ATP9A: variants seen among roughly 807,000 people sequenced by gnomAD.
ATP9A encodes ATPase phospholipid transporting 9A.
Under a neutral mutation model 144.1 loss-of-function variants are expected in ATP9A, and 52 were observed. The observed-to-expected ratio is 0.36, with a 90% confidence interval of 0.29 to 0.45. The LOEUF is 0.45. ATP9A is among the 20% of genes least tolerant of loss of function. The probability of loss-of-function intolerance (pLI) is 1.00; values close to 1 mark genes in which losing one functional copy is unlikely to be tolerated. For missense variants in ATP9A, 947 were observed against 1,392.7 expected (o/e 0.68, Z 5.09); for synonymous variants, 582 against 557.4 (o/e 1.04, Z -0.62).
At chr20:51,691,098 C>A (rs1278406834) in intron 7 of ATP9A, among the ~76,000 whole-genome samples, 1 of 152,176 alleles carries the variant, frequency 6.6e-6, no homozygotes, top group Non-Finnish European at 1.5e-5. Context: ...ATGCTACACA[C>A]CTATGAATAC....
chr20:51,639,931 C>T (rs1490209852), intron 14 of ATP9A, among the ~76,000 whole-genome samples: 1 of 152,022 alleles, frequency 6.6e-6, no homozygotes, highest in African/African-American at 2.4e-5. Flanking sequence ...ACTAAAAATA[C>T]AAAAATTACC....
Position 51,670,042 on chromosome 20 carries a change from G to C in ATP9A, c.1248C>G (p.Asp416Glu). Residue 416 changes from aspartate (D) to glutamate (E), a missense_variant, in exon 13 of 28, where the codon GAC (aspartate) becomes GAG (glutamate). Transcript: ENST00000338821. ...TGTGGCTTTGTACTTCGTCCATTGA[G>C]TCGAGGCCGTAGGCTACTGTTCCGA... is the stretch of plus-strand genomic sequence containing the variant. ...LHLGTVAYGL[D>E]SMDEVQSHIF... 2 of 1,614,158 alleles carry C rather than the reference G, an allele frequency of 1.2e-6. No homozygotes were observed. The highest frequency in any genetic ancestry group is 1.7e-6 in the Non-Finnish European group (2 of 1,180,032).
intron 2 of ATP9A, among the ~76,000 whole-genome samples, chr20:51,728,755 G>A (rs2077726752): frequency 6.6e-6 from 1 of 151,766 alleles, no homozygotes; most frequent in South Asian, 2.1e-4. Flanking sequence ...AAGACAGTGA[G>A]ATCTGGTCTC....
At chr20:51,605,668 T>C (rs2077160341) in intron 26 of ATP9A, among the ~76,000 whole-genome samples, 1 of 151,334 alleles carries the variant, frequency 6.6e-6, no homozygotes, top group Non-Finnish European at 1.5e-5. Flanking sequence ...TAATCAGCAC[T>C]TTGGGAGGCT....
At position 51,599,217 on chromosome 20, in the gene ATP9A, A is replaced by G. The variant is rs1002531446; in HGVS notation, c.*1994T>C. On this transcript the variant is annotated 3_prime_UTR_variant, in exon 28 of 28. Transcript: ENST00000338821. ...GCCAGGTACAGGGTTTGCAAAGTCT[A>G]AACAGGACTATCTTAAGACTTCCCA... The G allele has an allele frequency of 1.3e-5, 2 of 152,244 alleles. No individual in the cohort carries two copies. Among genetic ancestry groups the G allele is most frequent in the Non-Finnish European group, 2.9e-5 (2 of 68,052 alleles). The allele number at this position is 152,244 out of a possible 1,614,324, so 9.4% of individuals were successfully genotyped here.
chr20:51,610,000 G>T, intron 24 of ATP9A, 101 bp downstream of exon 24: 1 of 1,037,140 alleles, frequency 9.6e-7, no homozygotes, highest in Non-Finnish European at 1.5e-6. Context: ...AATCCAATGT[G>T]GCTTGGGAAC....
chr20:51,649,768 G>T (rs1282313301), intron 14 of ATP9A, among the ~76,000 whole-genome samples: 2 of 152,018 alleles, frequency 1.3e-5, no homozygotes, highest in African/African-American at 4.8e-5. Context: ...TTCAAAATTA[G>T]CCGGGCGTGG....
intron 3 of ATP9A, among the ~76,000 whole-genome samples, chr20:51,714,880 G>C (rs1006524164): frequency 1.3e-5 from 2 of 152,196 alleles, no homozygotes; most frequent in African/African-American, 4.8e-5. Flanking sequence ...TCTGAGTTGG[G>C]AACCCCAACT....
At chr20:51,699,169 CTG>C (rs1412171464) in intron 4 of ATP9A, among the ~76,000 whole-genome samples, 1 of 151,934 alleles carries the variant, frequency 6.6e-6, no homozygotes, top group East Asian at 1.9e-4. Flanking sequence ...TGGTGAAATC[CTG>C]TCTCTACTAA....
At chr20:51,718,814 CAAAAAAAAAAA>C (rs71192550) in intron 3 of ATP9A, among the ~76,000 whole-genome samples, 16 of 57,692 alleles carry the variant, frequency 2.8e-4, no homozygotes, top group South Asian at 6.9e-4. Context: ...GACTCCATCT[CAAAAAAAAAAA>C]AAAAAAAAAA....
intron 1 of ATP9A, among the ~76,000 whole-genome samples, chr20:51,760,078 T>G (rs913515494): frequency 1.3e-5 from 2 of 152,140 alleles, no homozygotes; most frequent in Non-Finnish European, 2.9e-5. Flanking sequence ...TTTTTGTGCT[T>G]TTCCCTGATG....
chr20:51,659,008 AG>A (rs1351227454), intron 13 of ATP9A, among the ~76,000 whole-genome samples: 3 of 149,226 alleles, frequency 2.0e-5, no homozygotes, highest in Non-Finnish European at 4.4e-5. Flanking sequence ...CCTCTGCTCC[AG>A]CCATGCTGGC....
At chr20:51,641,871 GGTGAT>G (rs1162400332) in intron 14 of ATP9A, among the ~76,000 whole-genome samples, 1 of 148,946 alleles carries the variant, frequency 6.7e-6, no homozygotes, top group Non-Finnish European at 1.5e-5. Flanking sequence ...TTCCAGTGGA[GGTGAT>G]GCCTCCCAAG....
chr20:51,668,678 T>C (rs982306314), intron 13 of ATP9A, among the ~76,000 whole-genome samples: 2 of 152,150 alleles, frequency 1.3e-5, no homozygotes, highest in African/African-American at 2.4e-5. Flanking sequence ...AGTACATCTT[T>C]GAAAAAGGTC....
chr20:51,618,899 C>T, intron 20 of ATP9A, 55 bp downstream of exon 20: 1 of 1,601,094 alleles, frequency 6.2e-7, no homozygotes, highest in Admixed American at 1.7e-5. Context: ...CCTGCCGAAG[C>T]CGGGTAAGAC....
At chr20:51,746,273 T>C (rs1187370416) in intron 1 of ATP9A, among the ~76,000 whole-genome samples, 1 of 152,228 alleles carries the variant, frequency 6.6e-6, no homozygotes, top group Admixed American at 6.5e-5. Context: ...GACATGAGTT[T>C]ACTGATGTAA....
At chr20:51,763,296 T>A (rs966956998) in intron 1 of ATP9A, among the ~76,000 whole-genome samples, 5 of 151,020 alleles carry the variant, frequency 3.3e-5, no homozygotes, top group Admixed American at 2.0e-4. Flanking sequence ...GGTTTTTTTT[T>A]AATCAATGGT....
intron 1 of ATP9A, among the ~76,000 whole-genome samples, chr20:51,736,695 TA>T (rs1350317064): frequency 6.6e-6 from 1 of 152,018 alleles, no homozygotes; most frequent in East Asian, 1.9e-4. Context: ...ACAAATACAC[TA>T]AAACTTGCTG....
intron 9 of ATP9A, among the ~76,000 whole-genome samples, chr20:51,685,581 AAAAAG>A (rs111421061): frequency 2.7e-5 from 4 of 150,090 alleles, no homozygotes; most frequent in African/African-American, 4.9e-5. Flanking sequence ...AAAGAAAAGA[AAAAAG>A]AAAAGAAAAG....
Sources: allele counts gnomAD v4.1 joint callset (sites outside exome capture counted in the v4.1 genomes callset), GRCh38; gene constraint gnomAD v4.1.1; transcripts MANE v1.5; gene names NCBI Gene and HGNC (gene_info 2026-07-23, HGNC 2026-07-21).